Variants in GLB1L3 observed in about 807,000 individuals in gnomAD.
The protein encoded by GLB1L3 is galactosidase beta 1 like 3.
A neutral mutation model predicts 89.5 loss-of-function variants in GLB1L3; 89 were observed. The ratio of observed to expected loss-of-function variants is 0.99; its 90% CI spans 0.84 to 1.19. The LOEUF (loss-of-function observed/expected upper bound fraction) is 1.19. Ranked by LOEUF, GLB1L3 falls within the 50% of genes most tolerant of loss-of-function variation. The probability of loss-of-function intolerance (pLI) is 0.00; values close to 1 mark genes in which losing one functional copy is unlikely to be tolerated. For synonymous variants in GLB1L3, 314 were observed against 312.3 expected, an observed-to-expected ratio of 1.01 and a Z score of -0.06; for missense variants, 812 against 813.3, an observed-to-expected ratio of 1.00 and a Z score of 0.02.
At chr11:134,296,851 A>AATAATAATG (rs1412316592) in intron 9 of GLB1L3, among the ~76,000 whole-genome samples, 1 of 132,502 alleles carries the variant, frequency 7.5e-6, no homozygotes, top group Non-Finnish European at 1.6e-5. Flanking sequence ...TAATAATAAT[A>AATAATAATG]ATAATAATAA....
intron 9 of GLB1L3, among the ~76,000 whole-genome samples, chr11:134,300,424 C>T (rs1400347907): frequency 1.3e-5 from 2 of 151,274 alleles, no homozygotes; most frequent in Non-Finnish European, 2.9e-5. Flanking sequence ...GCTCCACCTC[C>T]TGGGTTCACA....
rs1207314705 is a variant in GLB1L3 at position 134,319,246 on chromosome 11, T to G, written c.*304T>G. On this transcript the variant is annotated 3_prime_UTR_variant, in exon 20 of 20. Transcript: ENST00000431683. ...TGGGATTACAGGCGTGAGCCACCAC[T>G]CCCGGCCGTGAACATATTTTTTGGG... is the stretch of plus-strand genomic sequence containing the variant. 1 of 254,862 alleles carries G rather than the reference T, an allele frequency of 3.9e-6. No homozygotes were observed. The highest frequency in any genetic ancestry group is 8.1e-5 in the East Asian group (1 of 12,364). The allele number at this position is 254,862 out of a possible 1,614,324, so 15.8% of individuals were successfully genotyped here.
intron 10 of GLB1L3, among the ~76,000 whole-genome samples, chr11:134,308,108 C>T (rs1591576604): frequency 1.4e-5 from 2 of 141,768 alleles, no homozygotes; most frequent in East Asian, 4.0e-4. Flanking sequence ...ATGCCAGCAA[C>T]AATACCACCA....
chr11:134,323,739 T>C (rs191088820), downstream of GLB1L3, among the ~76,000 whole-genome samples: 85 of 152,362 alleles, frequency 5.6e-4, no homozygotes, highest in African/African-American at 1.9e-3. Flanking sequence ...CATTAGTTGC[T>C]TGTAAGGCCT....
In GLB1L3 at chr11:134,313,491, G is replaced by A; in HGVS notation, c.1579+17G>A. ...AGCAGAAAGGTGGGCTCTGGCTGTG[G>A]CTTCTCCTCAGTTGCTCAGAACCGA... On this transcript the variant is annotated intron_variant, in intron 16 of 19. Coordinates refer to ENST00000431683, the MANE Select transcript of GLB1L3 (RefSeq NM_001080407.3). The A allele has an allele frequency of 6.4e-7, 1 of 1,561,124 alleles. No homozygotes were observed. The highest frequency in any genetic ancestry group is 8.7e-7 in the Non-Finnish European group (1 of 1,151,498).
At chr11:134,296,836 T>TATAATAATAATAATAATAATA (rs371941998) in intron 9 of GLB1L3, among the ~76,000 whole-genome samples, 6 of 142,408 alleles carry the variant, frequency 4.2e-5, no homozygotes, top group Admixed American at 7.0e-5. Flanking sequence ...AAACTTAAAG[T>TATAATAATAATAATAATAATA]ATAATAATAA....
At chr11:134,305,198 T>C in intron 9 of GLB1L3, 1 of 1,110,958 alleles carries the variant, frequency 9.0e-7, no homozygotes. Context: ...CTGTGATTCT[T>C]CCATAATTTT....
chr11:134,290,603 A>AT lies in GLB1L3; in HGVS notation c.730-1529_730-1528insT, dbSNP rs1220132637. 3.4e-5 allele frequency among the ~76,000 whole-genome samples: 4 copies of AT among 116,304 alleles called. 1 individual carries two copies. Among genetic ancestry groups the AT allele is most frequent in the East Asian group, 4.4e-4 (2 of 4,498 alleles). The allele number at this position is 116,304 out of a possible 152,430, so 76.3% of individuals were successfully genotyped here. Reference sequence around the variant, plus strand: ...CCAAAAAAAAAGAAAAGAAAAAAAAAGAAAAAGAAAAAAAAACCATTCAAC... The same window carrying AT: ...CCAAAAAAAAAGAAAAGAAAAAAAAATGAAAAAGAAAAAAAAACCATTCAAC... On this transcript the variant is annotated intron_variant, in intron 7 of 19. Coordinates refer to ENST00000431683, the MANE Select transcript of GLB1L3 (RefSeq NM_001080407.3).
At chr11:134,318,785 C>T in intron 19 of GLB1L3, 38 bp downstream of exon 19, 1 of 1,551,660 alleles carries the variant, frequency 6.4e-7, no homozygotes, top group African/African-American at 1.4e-5. Flanking sequence ...ATCTCATAAA[C>T]TTTCAGATCA....
chr11:134,289,161 C>G (rs916748723), intron 7 of GLB1L3, among the ~76,000 whole-genome samples: 2 of 152,074 alleles, frequency 1.3e-5, no homozygotes, highest in African/African-American at 2.4e-5. Flanking sequence ...TTTTGTATAT[C>G]TATTATATAC....
At chr11:134,308,655 T>TCACCACCACCACCACCACCACCAA (rs1186746011) in intron 10 of GLB1L3, among the ~76,000 whole-genome samples, 3 of 105,546 alleles carry the variant, frequency 2.8e-5, no homozygotes, top group Non-Finnish European at 6.2e-5. Flanking sequence ...ACCACCATCA[T>TCACCACCACCACCACCACCACCAA]CACCACCACC....
chr11:134,286,827 G>A (rs961938615), intron 6 of GLB1L3, among the ~76,000 whole-genome samples: 1 of 72,410 alleles, frequency 1.4e-5, no homozygotes, highest in East Asian at 2.9e-4. Context: ...TAAAATAATA[G>A]ATAGGTAGGC....
intron 9 of GLB1L3, among the ~76,000 whole-genome samples, chr11:134,298,067 C>CT (rs148792992): frequency 0.023 from 3,434 of 146,786 alleles, 55 homozygotes; most frequent in African/African-American, 0.042. Context: ...TAATTCTTAT[C>CT]TTTTTTTTTT....
At chr11:134,318,201 T>G (rs1943062529) in intron 18 of GLB1L3, among the ~76,000 whole-genome samples, 1 of 152,176 alleles carries the variant, frequency 6.6e-6, no homozygotes, top group Non-Finnish European at 1.5e-5. Context: ...GTGGAAAAAC[T>G]GCCTAGATGT....
chr11:134,294,710 G>A (rs866482530), intron 9 of GLB1L3, among the ~76,000 whole-genome samples: 5 of 152,170 alleles, frequency 3.3e-5, no homozygotes, highest in Admixed American at 6.5e-5. Context: ...TTTTCTAGAC[G>A]TTTCACATAA....
In GLB1L3 at chr11:134,284,924, CTT is replaced by C. The variant is rs536491197; in HGVS notation, c.636+1100_636+1101del. On this transcript the variant is annotated intron_variant, in intron 6 of 19. Coordinates refer to ENST00000431683, the MANE Select transcript of GLB1L3 (RefSeq NM_001080407.3). ...GAAGAACACAGGTGCCATGCATTGCCTTTTTTTTTTTTTTTTTTTTTTGAGAC... is the reference window on the plus strand; with the variant it reads ...GAAGAACACAGGTGCCATGCATTGCCTTTTTTTTTTTTTTTTTTTTGAGAC... Among the ~76,000 whole-genome samples, 544 of 73,998 alleles carry C rather than the reference CTT, an allele frequency of 7.4e-3. 2 individuals are homozygous for C. The highest frequency in any genetic ancestry group is 0.021 in the African/African-American group (391 of 18,986). The allele number at this position is 73,998 out of a possible 152,430, so 48.5% of individuals were successfully genotyped here.
chr11:134,293,098 C>T (rs368269859), intron 8 of GLB1L3, 47 bp from the exon 9 acceptor site: 9 of 1,533,878 alleles, frequency 5.9e-6, no homozygotes, highest in Admixed American at 1.7e-5. Flanking sequence ...CCTTCCCTGA[C>T]AGCACTTGTC....
At chr11:134,310,230 C>A (rs542901201) in intron 11 of GLB1L3, 63 of 352,584 alleles carry the variant, frequency 1.8e-4, no homozygotes, top group Admixed American at 5.6e-4. Context: ...AAAAAAAAAA[C>A]ACAAAATGTT....
chr11:134,299,773 G>A (rs146586024), intron 9 of GLB1L3, among the ~76,000 whole-genome samples: 1 of 152,298 alleles, frequency 6.6e-6, no homozygotes, highest in East Asian at 1.9e-4. Flanking sequence ...AGCAGATGCT[G>A]TCTGTGGGTC....
Sources: allele counts gnomAD v4.1 joint callset (sites outside exome capture counted in the v4.1 genomes callset), GRCh38; gene constraint gnomAD v4.1.1; transcripts MANE v1.5; gene names NCBI Gene and HGNC (gene_info 2026-07-23, HGNC 2026-07-21).